The following PLOD2 variants were observed in gnomAD, a reference collection of about 807,000 sequenced individuals.
PLOD2 encodes procollagen-lysine,2-oxoglutarate 5-dioxygenase 2.
In PLOD2, 65 loss-of-function variants were observed where a neutral mutation model predicts 101.0. The ratio of observed to expected loss-of-function variants is 0.64; its 90% CI spans 0.53 to 0.79. PLOD2 has a LOEUF of 0.79. PLOD2 is among the 30% of genes least tolerant of loss of function. The pLI, the probability that PLOD2 is intolerant of heterozygous loss-of-function variation, is 0.00. For missense variants in PLOD2, 909 were observed against 914.6 expected, an observed-to-expected ratio of 0.99 and a Z score of 0.08; for synonymous variants, 314 against 302.9, an observed-to-expected ratio of 1.04 and a Z score of -0.38.
At position 146,088,594 on chromosome 3, in the gene PLOD2, G is replaced by A; in HGVS notation, c.997C>T (p.His333Tyr). The stretch of plus-strand genomic sequence containing the variant: ...ATTTCTCAAATACTTACTTTGTTAT[G>A]AATAAAAAGTTTAAGTGCTTCTTTT... ...YPKEALKLFI[H>Y]NKEVYHEKDI... The change falls in exon 9 of 20, where the codon CAT becomes TAT. Residue 333 changes from histidine to tyrosine, a missense_variant. Transcript: ENST00000282903. 1 of 1,567,924 alleles carries A rather than the reference G, an allele frequency of 6.4e-7. No individual in the cohort carries two copies. Among genetic ancestry groups the A allele is most frequent in the South Asian group, 1.1e-5 (1 of 89,784 alleles).
intron 1 of PLOD2, among the ~76,000 whole-genome samples, chr3:146,132,346 T>A (rs2030965896): frequency 6.6e-6 from 1 of 152,126 alleles, no homozygotes; most frequent in Non-Finnish European, 1.5e-5. Flanking sequence ...AGAAAGGCTG[T>A]AAGACAAATG....
At chr3:146,123,611 A>G (rs2030344020) in intron 2 of PLOD2, among the ~76,000 whole-genome samples, 1 of 152,134 alleles carries the variant, frequency 6.6e-6, no homozygotes, top group Non-Finnish European at 1.5e-5. Flanking sequence ...CAAACAAAGA[A>G]TCATCCTACG....
At chr3:146,092,648 ATTCATT>A (rs562966492) in intron 7 of PLOD2, among the ~76,000 whole-genome samples, 86 of 152,108 alleles carry the variant, frequency 5.7e-4, no homozygotes, top group Non-Finnish European at 1.1e-3. Context: ...AGCTATTGGT[ATTCATT>A]TTAACTGTAA....
chr3:146,135,510 A>G (rs2108116355), intron 1 of PLOD2, among the ~76,000 whole-genome samples: 1 of 152,268 alleles, frequency 6.6e-6, no homozygotes, highest in African/African-American at 2.4e-5. Context: ...GAAACATTCT[A>G]GCATTCACCG....
chr3:146,081,902 A>G, intron 11 of PLOD2, 39 bp from the exon 12 acceptor site: 3 of 1,558,148 alleles, frequency 1.9e-6, no homozygotes, highest in Non-Finnish European at 2.6e-6. Context: ...AGAGAAACCT[A>G]TATAATTATT....
At chr3:146,138,120 G>T (rs1278206315) in intron 1 of PLOD2, among the ~76,000 whole-genome samples, 1 of 152,052 alleles carries the variant, frequency 6.6e-6, no homozygotes, top group Non-Finnish European at 1.5e-5. Context: ...CAGACCACAG[G>T]GGGCACAGCT....
At chr3:146,087,189 C>A (rs1442939202) in intron 9 of PLOD2, among the ~76,000 whole-genome samples, 1 of 151,862 alleles carries the variant, frequency 6.6e-6, no homozygotes, top group African/African-American at 2.4e-5. Context: ...ATACTTAAAT[C>A]TTTAATAGGT....
chr3:146,160,280 A>C (rs1350022470), intron 1 of PLOD2, among the ~76,000 whole-genome samples: 1 of 152,224 alleles, frequency 6.6e-6, no homozygotes, highest in East Asian at 1.9e-4. Context: ...AGGGTAGGTA[A>C]GGGGAGCAGC....
At chr3:146,080,047 G>C (rs1233075100) in intron 12 of PLOD2, among the ~76,000 whole-genome samples, 1 of 151,746 alleles carries the variant, frequency 6.6e-6, no homozygotes, top group Non-Finnish European at 1.5e-5. Flanking sequence ...AGAACATCAA[G>C]GCAAGATCTT....
At chr3:146,159,174 C>G (rs562884348) in intron 1 of PLOD2, among the ~76,000 whole-genome samples, 1 of 152,178 alleles carries the variant, frequency 6.6e-6, no homozygotes, top group African/African-American at 2.4e-5. Flanking sequence ...CGACCCTAAC[C>G]GAATTCTCCA....
intron 1 of PLOD2, among the ~76,000 whole-genome samples, chr3:146,149,930 C>A: frequency 6.6e-6 from 1 of 151,816 alleles, no homozygotes; most frequent in East Asian, 1.9e-4. Context: ...GAAAAATAGC[C>A]AGAAAAAAAA....
intron 6 of PLOD2, 121 bp downstream of exon 6, chr3:146,104,157 AT>A (rs1340445016): frequency 1.4e-6 from 1 of 727,976 alleles, no homozygotes; most frequent in East Asian, 2.5e-5. Flanking sequence ...AGTTACAATA[AT>A]TACAATATTT....
intron 1 of PLOD2, among the ~76,000 whole-genome samples, chr3:146,128,523 C>T (rs2030716857): frequency 6.6e-6 from 1 of 152,038 alleles, no homozygotes; most frequent in Non-Finnish European, 1.5e-5. Context: ...TTACATAATC[C>T]TCCAAAATGC....
At chr3:146,101,729 T>C (rs1477675011) in intron 7 of PLOD2, among the ~76,000 whole-genome samples, 1 of 152,118 alleles carries the variant, frequency 6.6e-6, no homozygotes, top group Non-Finnish European at 1.5e-5. Flanking sequence ...CTACCTTGTG[T>C]TGGCTTGGTT....
chr3:146,120,150 T>C (rs1576609921), intron 3 of PLOD2, among the ~76,000 whole-genome samples: 1 of 152,192 alleles, frequency 6.6e-6, no homozygotes, highest in Non-Finnish European at 1.5e-5. Flanking sequence ...TCGTGTGAGA[T>C]GGTATCTCAT....
chr3:146,106,834 T>C lies in PLOD2; in HGVS notation c.503-190A>G, dbSNP rs371575216. 1.7e-4 allele frequency among the ~76,000 whole-genome samples: 26 copies of C among 152,332 alleles called. No homozygotes were observed. In the South Asian group the frequency reaches 3.5e-3, roughly 21 times the overall value. ...CCCTTGTTTTATATATAAACTCCAA[T>C]AGAGTGTTTGCTACCAACTGCAAAA... On this transcript the variant is annotated intron_variant, in intron 4 of 19. Coordinates refer to ENST00000282903, the MANE Select transcript of PLOD2 (RefSeq NM_182943.3).
chr3:146,144,732 T>C (rs1368352812), intron 1 of PLOD2, among the ~76,000 whole-genome samples: 1 of 152,046 alleles, frequency 6.6e-6, no homozygotes, highest in Non-Finnish European at 1.5e-5. Context: ...TTCAATGCCA[T>C]GGGAAATGCT....
chr3:146,100,304 T>C (rs1937342290), intron 7 of PLOD2, among the ~76,000 whole-genome samples: 1 of 152,164 alleles, frequency 6.6e-6, no homozygotes, highest in Non-Finnish European at 1.5e-5. Context: ...GTTGAAAGCG[T>C]AGTATTCGCT....
At chr3:146,158,492 T>C (rs1188253004) in intron 1 of PLOD2, among the ~76,000 whole-genome samples, 1 of 152,164 alleles carries the variant, frequency 6.6e-6, no homozygotes. Context: ...TGTATCACAT[T>C]CCCAACTACA....
Sources: gnomAD v4.1 joint callset for allele counts (sites outside exome capture counted in the v4.1 genomes callset) on GRCh38, gnomAD v4.1.1 for gene constraint, MANE v1.5 for transcripts, NCBI Gene and HGNC (gene_info 2026-07-23, HGNC 2026-07-21) for gene names.